ZFHX3: variants seen among roughly 807,000 people sequenced by gnomAD.
ZFHX3 encodes zinc finger homeobox protein 3.
ZFHX3 carries 42 observed loss-of-function variants against 279.1 expected under a neutral mutation model. That is an observed-to-expected ratio of 0.15 (90% CI 0.12 to 0.19). ZFHX3 has a LOEUF of 0.19. ZFHX3 is among the 10% of genes least tolerant of loss of function. ZFHX3 has a pLI of 1.00. For synonymous variants in ZFHX3, 2,293 were observed against 1,957.8 expected (o/e 1.17, Z -4.52); for missense variants, 4,981 against 4,754.0 (o/e 1.05, Z -1.40).
chr16:73,804,908 AGGGAG>A (rs1476528025), intron 1 of ZFHX3, among the ~76,000 whole-genome samples: 7 of 22,580 alleles, frequency 3.1e-4, no homozygotes, highest in Admixed American at 2.6e-3. Flanking sequence ...GGAGGGAGGG[AGGGAG>A]GGGAGGGAGA....
At chr16:73,737,584 A>C (rs753637863) in intron 1 of ZFHX3, among the ~76,000 whole-genome samples, 30 of 152,128 alleles carry the variant, frequency 2.0e-4, no homozygotes, top group Admixed American at 7.9e-4. Flanking sequence ...GATGAATTCC[A>C]TACAAAAGCT....
At chr16:73,821,480 C>T (rs1409841907) in intron 1 of ZFHX3, among the ~76,000 whole-genome samples, 2 of 152,206 alleles carry the variant, frequency 1.3e-5, no homozygotes, top group African/African-American at 2.4e-5. Flanking sequence ...CTTAAGCAAA[C>T]CACAAACCCT....
chr16:73,240,245 G>T (rs893819485), intron 5 of ZFHX3, among the ~76,000 whole-genome samples: 10 of 150,964 alleles, frequency 6.6e-5, no homozygotes, highest in African/African-American at 2.4e-4. Flanking sequence ...TTTTGAGACA[G>T]TCTTGCTCTG....
At chr16:73,339,666 A>G (rs1451850730) in intron 3 of ZFHX3, among the ~76,000 whole-genome samples, 3 of 152,232 alleles carry the variant, frequency 2.0e-5, no homozygotes, top group Non-Finnish European at 4.4e-5. Flanking sequence ...AGATAAGCCA[A>G]CTAATCAACC....
At chr16:73,564,410 C>T (rs541637809) in intron 2 of ZFHX3, among the ~76,000 whole-genome samples, 6 of 152,332 alleles carry the variant, frequency 3.9e-5, no homozygotes, top group African/African-American at 1.2e-4. Context: ...CATTATCCCT[C>T]GGTTCTATCC....
intron 2 of ZFHX3, among the ~76,000 whole-genome samples, chr16:73,576,107 A>C (rs1005955963): frequency 5.3e-5 from 8 of 152,136 alleles, no homozygotes; most frequent in Non-Finnish European, 8.8e-5. Context: ...TAAAATGAGC[A>C]TGGCACCCAC....
chr16:73,763,259 A>G (rs2053892370), intron 1 of ZFHX3, among the ~76,000 whole-genome samples: 1 of 152,226 alleles, frequency 6.6e-6, no homozygotes, highest in African/African-American at 2.4e-5. Context: ...GCTGACATCA[A>G]GTCTTACCAA....
intron 1 of ZFHX3, among the ~76,000 whole-genome samples, chr16:73,729,255 G>C (rs1390403728): frequency 1.3e-5 from 2 of 152,164 alleles, no homozygotes; most frequent in African/African-American, 2.4e-5. Context: ...GCAATGGCGT[G>C]GAGGCTCACG....
At chr16:73,494,249 G>A (rs1371691363) in intron 2 of ZFHX3, among the ~76,000 whole-genome samples, 3 of 152,144 alleles carry the variant, frequency 2.0e-5, no homozygotes, top group Non-Finnish European at 2.9e-5. Flanking sequence ...CGGACGGAGC[G>A]GTTTGCTAGC....
chr16:72,955,886 C>T (rs1961230447), intron 2 of ZFHX3, among the ~76,000 whole-genome samples: 1 of 151,978 alleles, frequency 6.6e-6, no homozygotes, highest in African/African-American at 2.4e-5. Context: ...CAAGATCTAC[C>T]TCCCGAGATT....
At chr16:73,023,673 A>G (rs1964393046) in intron 1 of ZFHX3, among the ~76,000 whole-genome samples, 1 of 152,198 alleles carries the variant, frequency 6.6e-6, no homozygotes, top group Admixed American at 6.5e-5. Context: ...GCGCTTAGAA[A>G]AGGCTTAAAG....
At chr16:73,377,626 A>G (rs1397481341) in intron 3 of ZFHX3, among the ~76,000 whole-genome samples, 1 of 151,740 alleles carries the variant, frequency 6.6e-6, no homozygotes, top group Non-Finnish European at 1.5e-5. Flanking sequence ...TGAACATACC[A>G]TCATGGTACC....
intron 8 of ZFHX3, among the ~76,000 whole-genome samples, chr16:73,074,406 T>C (rs1965861268): frequency 6.6e-6 from 1 of 152,202 alleles, no homozygotes; most frequent in Non-Finnish European, 1.5e-5. Context: ...CCTGTGATGA[T>C]GTGGAAATGC....
chr16:73,642,604 C>T (rs182055040), intron 2 of ZFHX3, among the ~76,000 whole-genome samples: 11 of 152,270 alleles, frequency 7.2e-5, no homozygotes, highest in Middle Eastern at 3.4e-3. Flanking sequence ...GCAACACACA[C>T]ACCACTGGTG....
At chr16:73,198,604 T>C (rs2144896530) in intron 5 of ZFHX3, among the ~76,000 whole-genome samples, 1 of 152,350 alleles carries the variant, frequency 6.6e-6, no homozygotes, top group South Asian at 2.1e-4. Flanking sequence ...TCCCATCATT[T>C]AGATGAGTTC....
At chr16:73,471,301 G>C (rs1379939549) in intron 2 of ZFHX3, among the ~76,000 whole-genome samples, 1 of 152,138 alleles carries the variant, frequency 6.6e-6, no homozygotes, top group Non-Finnish European at 1.5e-5. Context: ...GATTGACCAT[G>C]CACCACTGCA....
At chr16:73,280,463 C>G (rs531923877) in intron 4 of ZFHX3, among the ~76,000 whole-genome samples, 1 of 152,242 alleles carries the variant, frequency 6.6e-6, no homozygotes, top group East Asian at 1.9e-4. Context: ...GTTGACATTT[C>G]TCCAAAGAAG....
chr16:73,655,344 A>T (rs2142169755), intron 2 of ZFHX3, among the ~76,000 whole-genome samples: 1 of 152,350 alleles, frequency 6.6e-6, no homozygotes, highest in Admixed American at 6.5e-5. Flanking sequence ...AAAGAAGGAA[A>T]CTAAACTGCC....
In ZFHX3 at chr16:73,642,536, T is replaced by C. The variant is rs566214238; in HGVS notation, c.-1547+37644A>G. 6.6e-5 allele frequency among the ~76,000 whole-genome samples: 10 copies of C among 152,328 alleles called. No individual in the cohort carries two copies. In the East Asian group the frequency reaches 1.7e-3, roughly 26 times the overall value. On this transcript the variant is annotated intron_variant, in intron 2 of 17. Coordinates refer to the ZFHX3 transcript ENST00000641206. ...GCATATATTCAAAGATAAACAGCTC[T>C]GTTTACAGCCACTTGAAATATTTAC...
Sources: allele counts gnomAD v4.1 joint callset (sites outside exome capture counted in the v4.1 genomes callset), GRCh38; gene constraint gnomAD v4.1.1; transcripts MANE v1.5; gene names NCBI Gene and HGNC (gene_info 2026-07-23, HGNC 2026-07-21).